SPATA16: variants seen among roughly 807,000 people sequenced by gnomAD.
SPATA16 encodes the protein spermatogenesis associated 16.
A neutral mutation model predicts 63.3 loss-of-function variants in SPATA16; 36 were observed. The observed-to-expected ratio is 0.57, with a 90% CI of 0.44 to 0.75. The LOEUF is 0.75. Among genes scored for constraint, SPATA16 ranks in the 30% least tolerant of loss-of-function variants. SPATA16 has a pLI of 0.00. For missense variants in SPATA16, 646 were observed against 679.3 expected, an observed-to-expected ratio of 0.95 and a Z score of 0.54; for synonymous variants, 203 against 216.7, an observed-to-expected ratio of 0.94 and a Z score of 0.56.
At chr3:172,984,829 A>G (rs1734406384) in intron 4 of SPATA16, among the ~76,000 whole-genome samples, 1 of 152,202 alleles carries the variant, frequency 6.6e-6, no homozygotes, top group African/African-American at 2.4e-5. Flanking sequence ...ACAAAAAACA[A>G]CGGTACTACT....
At chr3:173,022,910 G>A (rs1013127114) in intron 3 of SPATA16, among the ~76,000 whole-genome samples, 4 of 152,028 alleles carry the variant, frequency 2.6e-5, no homozygotes. Context: ...TTGAATTTTT[G>A]TCAGAAGAAA....
chr3:173,078,900 G>A (rs879410329), intron 2 of SPATA16, among the ~76,000 whole-genome samples: 5 of 151,998 alleles, frequency 3.3e-5, no homozygotes, highest in Non-Finnish European at 5.9e-5. Context: ...TTGGTAATGA[G>A]GAATAGAAGA....
At chr3:172,949,430 A>G (rs1409821981) in intron 6 of SPATA16, among the ~76,000 whole-genome samples, 1 of 152,208 alleles carries the variant, frequency 6.6e-6, no homozygotes, top group Non-Finnish European at 1.5e-5. Context: ...TACAAAGTAA[A>G]AAAATTTGTA....
intron 6 of SPATA16, among the ~76,000 whole-genome samples, chr3:172,932,973 C>T (rs1577094759): frequency 6.6e-6 from 1 of 152,232 alleles, no homozygotes; most frequent in Non-Finnish European, 1.5e-5. Flanking sequence ...CTTAGAAAGA[C>T]ACATAATCCC....
intron 1 of SPATA16, among the ~76,000 whole-genome samples, chr3:173,128,035 A>T (rs1738272842): frequency 6.6e-6 from 1 of 152,230 alleles, no homozygotes; most frequent in African/African-American, 2.4e-5. Flanking sequence ...AAATATAAAA[A>T]TAAATTTTTA....
Position 172,961,655 on chromosome 3 carries a change from A to G in SPATA16, c.934-4831T>C, listed in dbSNP as rs1463150803. ...GGTGATCCTTCTGCTTCGGCTTCCC[A>G]AAGTACTGGATTACAGGCGTGAGCC... On this transcript the variant is annotated intron_variant, in intron 5 of 10. Coordinates refer to ENST00000351008, the MANE Select transcript of SPATA16 (RefSeq NM_031955.6). Among the ~76,000 whole-genome samples the G allele has an allele frequency of 2.0e-5, 3 of 152,182 alleles. No homozygotes were observed. In the East Asian group the frequency reaches 5.8e-4, roughly 29 times the overall value.
intron 4 of SPATA16, among the ~76,000 whole-genome samples, chr3:172,993,988 A>G (rs944722019): frequency 6.6e-6 from 1 of 152,174 alleles, no homozygotes; most frequent in Non-Finnish European, 1.5e-5. Flanking sequence ...AATTCAAGTC[A>G]TGGAAGACAT....
chr3:173,033,449 T>G (rs1735648858), intron 3 of SPATA16, among the ~76,000 whole-genome samples: 1 of 152,192 alleles, frequency 6.6e-6, no homozygotes, highest in Non-Finnish European at 1.5e-5. Context: ...TGACATTTTC[T>G]CTTAAAAAAT....
intron 4 of SPATA16, among the ~76,000 whole-genome samples, chr3:172,978,174 T>TATAA (rs1560086111): frequency 6.6e-6 from 1 of 151,726 alleles, no homozygotes; most frequent in African/African-American, 2.4e-5. Flanking sequence ...TATATATATA[T>TATAA]AAACACAGGT....
intron 3 of SPATA16, among the ~76,000 whole-genome samples, chr3:173,026,916 G>A (rs1735465833): frequency 6.6e-6 from 1 of 151,444 alleles, no homozygotes; most frequent in African/African-American, 2.4e-5. Flanking sequence ...TTGAAATTCT[G>A]TACTTTTCTG....
chr3:172,982,371 G>A (rs9847719), intron 4 of SPATA16, among the ~76,000 whole-genome samples: 5,797 of 152,220 alleles, frequency 0.038, 372 homozygotes, highest in African/African-American at 0.13. Flanking sequence ...AATGGATGCT[G>A]ATGTATTTAT....
intron 1 of SPATA16, among the ~76,000 whole-genome samples, chr3:173,120,867 C>A (rs995174277): frequency 6.6e-6 from 1 of 152,108 alleles, no homozygotes; most frequent in African/African-American, 2.4e-5. Flanking sequence ...CTGAGTACTT[C>A]TGCATTAGTC....
Position 172,983,641 on chromosome 3 carries a change from G to C in SPATA16, c.849-6589C>G, listed in dbSNP as rs545980673. On this transcript the variant is annotated intron_variant, in intron 4 of 10. Coordinates refer to ENST00000351008, the MANE Select transcript of SPATA16 (RefSeq NM_031955.6). ...TTTTAGATAAATTAATATTGTTGCA[G>C]AGTGTATTTTTCTTTTGACTATAAA... Among the ~76,000 whole-genome samples the C allele has an allele frequency of 1.4e-4, 22 of 152,110 alleles. No homozygotes were observed. The South Asian group carries it at 4.4e-3, about 30-fold the overall frequency.
intron 3 of SPATA16, among the ~76,000 whole-genome samples, chr3:173,047,620 C>G (rs1187162865): frequency 6.6e-6 from 1 of 151,784 alleles, no homozygotes; most frequent in Admixed American, 6.6e-5. Flanking sequence ...AGTATTTTTC[C>G]CACAAATCAC....
At chr3:172,920,596 T>C (rs1416971127) in intron 8 of SPATA16, among the ~76,000 whole-genome samples, 5 of 152,108 alleles carry the variant, frequency 3.3e-5, no homozygotes, top group Admixed American at 3.3e-4. Flanking sequence ...TGGAGAAAAA[T>C]TGAAAATTAG....
intron 5 of SPATA16, among the ~76,000 whole-genome samples, chr3:172,964,342 T>G (rs1188628526): frequency 6.6e-6 from 1 of 152,228 alleles, no homozygotes; most frequent in East Asian, 1.9e-4. Flanking sequence ...GTTCTTGTTC[T>G]ATAGACCCTG....
At chr3:173,038,170 T>TC (rs1459244713) in intron 3 of SPATA16, among the ~76,000 whole-genome samples, 2 of 151,858 alleles carry the variant, frequency 1.3e-5, no homozygotes, top group Non-Finnish European at 2.9e-5. Context: ...ATAAAATGAG[T>TC]AGGGGTTGGC....
At chr3:173,069,112 G>GAAGAAAAAAAAAA (rs1736603715) in intron 2 of SPATA16, among the ~76,000 whole-genome samples, 2 of 109,170 alleles carry the variant, frequency 1.8e-5, no homozygotes, top group African/African-American at 7.3e-5. Flanking sequence ...TCCGTCTCAA[G>GAAGAAAAAAAAAA]AAAAAAAAAA....
At chr3:173,046,139 A>G (rs1735951387) in intron 3 of SPATA16, among the ~76,000 whole-genome samples, 1 of 152,130 alleles carries the variant, frequency 6.6e-6, no homozygotes, top group African/African-American at 2.4e-5. Context: ...ATAAGAAAGC[A>G]GTAATTACAA....
Sources: allele counts gnomAD v4.1 joint callset (sites outside exome capture counted in the v4.1 genomes callset), GRCh38; gene constraint gnomAD v4.1.1; transcripts MANE v1.5; gene names NCBI Gene and HGNC (gene_info 2026-07-23, HGNC 2026-07-21).